Variants in DMD observed in about 807,000 individuals in gnomAD.
DMD encodes the protein mutant dystrophin.
A neutral mutation model predicts 330.1 loss-of-function variants in DMD; 63 were observed. That is an observed-to-expected ratio of 0.19 (90% CI 0.16 to 0.24). The LOEUF (loss-of-function observed/expected upper bound fraction) is 0.24. Ranked by LOEUF, DMD falls within the 10% of genes least tolerant of loss-of-function variation. The pLI, the probability that DMD is intolerant of heterozygous loss-of-function variation, is 1.00. For missense variants in DMD, 3,344 were observed against 2,684.1 expected, an observed-to-expected ratio of 1.25 and a Z score of -5.43; for synonymous variants, 1,223 against 959.8, an observed-to-expected ratio of 1.27 and a Z score of -5.07.
chrX:31,508,092 G>T, intron 55 of DMD: 1 of 517,519 alleles, frequency 1.9e-6, no homozygotes, highest in Non-Finnish European at 3.2e-6. Flanking sequence ...ACATTTTTAG[G>T]CTTGACAGGT....
At chrX:32,495,727 A>T in intron 19 of DMD, among the ~76,000 whole-genome samples, 1 of 111,699 alleles carries the variant, frequency 9.0e-6, no homozygotes, top group Admixed American at 9.6e-5. Flanking sequence ...TAATTGTTTT[A>T]TATGTATTCC....
At chrX:33,188,519 A>G (rs1337690537) in intron 1 of DMD, among the ~76,000 whole-genome samples, 1 of 110,530 alleles carries the variant, frequency 9.0e-6, no homozygotes, top group African/African-American at 3.3e-5. Flanking sequence ...CAGACTCTTA[A>G]GCAGCAGTGG....
chrX:31,224,991 T>C (rs1455692065), intron 63 of DMD, among the ~76,000 whole-genome samples: 1 of 112,404 alleles, frequency 8.9e-6, no homozygotes, highest in African/African-American at 3.2e-5. Flanking sequence ...AGTAGGTAAC[T>C]GACCTCAAAG....
chrX:32,956,192 A>C (rs1377058841), intron 2 of DMD, among the ~76,000 whole-genome samples: 1 of 111,201 alleles, frequency 9.0e-6, no homozygotes, highest in African/African-American at 3.3e-5. Flanking sequence ...AGTTTCTTCT[A>C]GTTCTCTGAA....
At chrX:32,651,963 C>T (rs920100692) in intron 9 of DMD, among the ~76,000 whole-genome samples, 1 of 111,374 alleles carries the variant, frequency 9.0e-6, no homozygotes, top group Non-Finnish European at 1.9e-5. Flanking sequence ...TAAATGTCAG[C>T]AAATTTAACA....
intron 57 of DMD, among the ~76,000 whole-genome samples, chrX:31,484,924 T>C (rs1185582917): frequency 2.7e-5 from 3 of 112,387 alleles, no homozygotes; most frequent in Admixed American, 9.4e-5. Context: ...TACTTTTATA[T>C]TATGAATGTT....
chrX:31,181,692 G>A (rs1344174819), intron 68 of DMD, among the ~76,000 whole-genome samples: 1 of 111,862 alleles, frequency 8.9e-6, no homozygotes, highest in South Asian at 3.8e-4. Context: ...CATGACTATG[G>A]AACAATAAAC....
At chrX:31,341,465 T>C (rs1259840909) in intron 61 of DMD, among the ~76,000 whole-genome samples, 3 of 112,259 alleles carry the variant, frequency 2.7e-5, no homozygotes, top group African/African-American at 9.7e-5. Flanking sequence ...AGTTTCATTT[T>C]ACAGCTTTTA....
chrX:32,831,059 TAAC>T (rs1371027042), intron 4 of DMD, among the ~76,000 whole-genome samples: 2 of 111,019 alleles, frequency 1.8e-5, no homozygotes, highest in Admixed American at 9.6e-5. Context: ...TAATTTTGTA[TAAC>T]AATATATATT....
chrX:31,709,591 T>G (rs1196740475), intron 52 of DMD, among the ~76,000 whole-genome samples: 1 of 107,861 alleles, frequency 9.3e-6, no homozygotes, highest in East Asian at 2.9e-4. Context: ...TGTCTGTGTG[T>G]GTGTGTGTGT....
At chrX:32,658,319 G>A (rs778587918) in intron 9 of DMD, among the ~76,000 whole-genome samples, 3 of 111,003 alleles carry the variant, frequency 2.7e-5, no homozygotes, top group Non-Finnish European at 5.7e-5. Flanking sequence ...TATTCTTCCT[G>A]TTATTTGATC....
intron 18 of DMD, among the ~76,000 whole-genome samples, chrX:32,516,421 T>C (rs778244087): frequency 5.5e-4 from 61 of 111,507 alleles, no homozygotes; most frequent in African/African-American, 1.8e-3. Context: ...CACTGTACAT[T>C]TTTGAGCACT....
At chrX:31,508,251 C>G (rs149479376) in intron 55 of DMD, 17 of 1,206,837 alleles carry the variant, frequency 1.4e-5, no homozygotes, top group Non-Finnish European at 1.9e-5. Context: ...CAGCTTGAAC[C>G]GGGCACTACA....
intron 20 of DMD, among the ~76,000 whole-genome samples, chrX:32,490,897 G>A (rs1201931328): frequency 8.9e-6 from 1 of 111,807 alleles, no homozygotes. Flanking sequence ...TTGTTGACCC[G>A]TGTTTCTAAC....
intron 44 of DMD, among the ~76,000 whole-genome samples, chrX:32,049,751 A>T (rs1352317197): frequency 1.8e-5 from 2 of 111,633 alleles, no homozygotes; most frequent in Admixed American, 1.9e-4. Flanking sequence ...TGATCCAGAA[A>T]ATTGAAGGTA....
intron 34 of DMD, among the ~76,000 whole-genome samples, chrX:32,372,690 T>C (rs756465344): frequency 1.8e-3 from 203 of 111,264 alleles, no homozygotes; most frequent in Non-Finnish European, 3.1e-3. Context: ...TTAATACTAC[T>C]CTGATTGAAG....
chrX:32,252,349 C>T (rs1451752535), intron 43 of DMD, among the ~76,000 whole-genome samples: 7 of 109,196 alleles, frequency 6.4e-5, no homozygotes, highest in African/African-American at 2.3e-4. Context: ...GCTCCTTATA[C>T]TTTTCATTCA....
At chrX:33,025,798 A>T (rs184656491) in intron 1 of DMD, among the ~76,000 whole-genome samples, 1 of 111,503 alleles carries the variant, frequency 9.0e-6, no homozygotes, top group East Asian at 2.9e-4. Context: ...GACTCCATCA[A>T]TCCTTCTGTC....
At chrX:32,037,316 AAC>A (rs2095956672) in intron 44 of DMD, among the ~76,000 whole-genome samples, 1 of 112,015 alleles carries the variant, frequency 8.9e-6, no homozygotes, top group Non-Finnish European at 1.9e-5. Context: ...TGGAAGTGTT[AAC>A]ACAAAATATT....
Sources: allele counts gnomAD v4.1 joint callset (sites outside exome capture counted in the v4.1 genomes callset), GRCh38; gene constraint gnomAD v4.1.1; transcripts MANE v1.5; gene names NCBI Gene and HGNC (gene_info 2026-07-23, HGNC 2026-07-21).